BLTP3B: variants seen among roughly 807,000 people sequenced by gnomAD.
BLTP3B encodes bridge-like lipid transfer protein family member 3B, also known as UHRF1 (ICBP90) binding protein 1-like.
the BLTP3B span, chr12:100,142,469 G>A: frequency 1.9e-6 from 2 of 1,079,504 alleles, no homozygotes; most frequent in African/African-American, 1.7e-5. Flanking sequence ...CGGCCAGAGC[G>A]GGGAAGTCCG....
At chr12:100,056,069 A>T in the BLTP3B span, among the ~76,000 whole-genome samples, 2 of 152,238 alleles carry the variant, frequency 1.3e-5, no homozygotes, top group African/African-American at 4.8e-5. Context: ...AAATTAAAAG[A>T]AGTAAACTAT....
chr12:100,116,639 T>A, the BLTP3B span, among the ~76,000 whole-genome samples: 17 of 152,140 alleles, frequency 1.1e-4, no homozygotes, highest in African/African-American at 3.9e-4. Context: ...TAAAATTACG[T>A]GTAATGAGAA....
At chr12:100,048,735 GGAGAGAGAGA>G in the BLTP3B span, among the ~76,000 whole-genome samples, 9 of 119,590 alleles carry the variant, frequency 7.5e-5, no homozygotes, top group South Asian at 8.4e-4. Flanking sequence ...GTAAGGGGGG[GGAGAGAGAGA>G]GAGAGAGAGA....
chr12:100,112,988 T>C, the BLTP3B span, among the ~76,000 whole-genome samples: 27 of 151,452 alleles, frequency 1.8e-4, no homozygotes, highest in Non-Finnish European at 3.8e-4. Context: ...CTGGGTAACA[T>C]GACAAAACCC....
At chr12:100,106,182 C>T in the BLTP3B span, among the ~76,000 whole-genome samples, 2 of 151,842 alleles carry the variant, frequency 1.3e-5, no homozygotes, top group Non-Finnish European at 2.9e-5. Context: ...ATCTACCATT[C>T]GATCCAGCAA....
chr12:100,051,271 G>T, the BLTP3B span: 1 of 1,536,750 alleles, frequency 6.5e-7, no homozygotes, highest in Non-Finnish European at 8.8e-7. Context: ...TTTTACACAT[G>T]ATCTAACACT....
At chr12:100,136,032 G>A in the BLTP3B span, among the ~76,000 whole-genome samples, 1 of 152,078 alleles carries the variant, frequency 6.6e-6, no homozygotes, top group Non-Finnish European at 1.5e-5. Flanking sequence ...CCAACATGGT[G>A]AAACCCCGTC....
the BLTP3B span, among the ~76,000 whole-genome samples, chr12:100,109,265 T>C: frequency 1.3e-5 from 2 of 150,640 alleles, no homozygotes; most frequent in African/African-American, 4.9e-5. Flanking sequence ...CCACCATGAT[T>C]GTGAGTTTCC....
At chr12:100,072,664 T>A in the BLTP3B span, 1 of 1,500,800 alleles carries the variant, frequency 6.7e-7, no homozygotes, top group Non-Finnish European at 8.9e-7. Flanking sequence ...AATTAAAAAC[T>A]CTCTTACTTG....
chr12:100,073,508 T>C, the BLTP3B span, among the ~76,000 whole-genome samples: 1 of 151,876 alleles, frequency 6.6e-6, no homozygotes, highest in Non-Finnish European at 1.5e-5. Flanking sequence ...CCGATATTAT[T>C]AGGTTGGTGC....
the BLTP3B span, chr12:100,102,742 T>G: frequency 1.4e-6 from 2 of 1,403,924 alleles, no homozygotes; most frequent in Non-Finnish European, 2.0e-6. Context: ...TTGGCAGTCA[T>G]GCAGATTAAT....
the BLTP3B span, among the ~76,000 whole-genome samples, chr12:100,126,493 C>T: frequency 1.3e-5 from 2 of 151,918 alleles, no homozygotes; most frequent in African/African-American, 4.8e-5. Flanking sequence ...GAACCACCAC[C>T]ACCCACCATC....
chr12:100,052,790 GTT>G, the BLTP3B span, among the ~76,000 whole-genome samples: 11 of 114,310 alleles, frequency 9.6e-5, no homozygotes, highest in East Asian at 2.6e-4. Context: ...TTTCTTTTCT[GTT>G]TTTTTTTTTT....
the BLTP3B span, chr12:100,084,693 T>C: frequency 8.2e-6 from 13 of 1,581,126 alleles, no homozygotes; most frequent in Non-Finnish European, 1.1e-5. Context: ...CATTGAAAAA[T>C]GTACAACTTT....
the BLTP3B span, chr12:100,059,888 C>A: frequency 1.9e-6 from 3 of 1,612,198 alleles, no homozygotes; most frequent in South Asian, 2.2e-5. Flanking sequence ...TCAACATGCT[C>A]GTCAGATTTT....
At chr12:100,085,274 T>C in the BLTP3B span, among the ~76,000 whole-genome samples, 1 of 151,754 alleles carries the variant, frequency 6.6e-6, no homozygotes. Context: ...CCCAGCACTT[T>C]GGGAGGCTGA....
the BLTP3B span, chr12:100,037,465 G>A: frequency 9.7e-5 from 138 of 1,415,790 alleles, no homozygotes; most frequent in Admixed American, 2.9e-4. Context: ...TGTAATGCCC[G>A]TACTAATACT....
At chr12:100,086,886 C>A in the BLTP3B span, among the ~76,000 whole-genome samples, 1 of 152,134 alleles carries the variant, frequency 6.6e-6, no homozygotes, top group Non-Finnish European at 1.5e-5. Flanking sequence ...TAAGGCTGGG[C>A]GCGGTGGCTC....
the BLTP3B span, among the ~76,000 whole-genome samples, chr12:100,092,185 A>T: frequency 6.6e-6 from 1 of 152,208 alleles, no homozygotes; most frequent in African/African-American, 2.4e-5. Context: ...GCAAATACTT[A>T]TAATAGAAAA....
Sources: allele counts gnomAD v4.1 joint callset (sites outside exome capture counted in the v4.1 genomes callset), GRCh38; gene constraint gnomAD v4.1.1; transcripts MANE v1.5; gene names NCBI Gene and HGNC (gene_info 2026-07-23, HGNC 2026-07-21).